IMMP2L: variants seen among roughly 807,000 people sequenced by gnomAD.
IMMP2L encodes mitochondrial inner membrane protease subunit 2.
IMMP2L carries 18 observed loss-of-function variants against 19.3 expected under a neutral mutation model. The ratio of observed to expected loss-of-function variants is 0.93; its 90% confidence interval spans 0.64 to 1.38. The LOEUF is 1.38. IMMP2L is among the 40% of genes most tolerant of loss of function. The pLI is 0.00. For synonymous variants in IMMP2L, 76 were observed against 73.0 expected (o/e 1.04, Z -0.21); for missense variants, 233 against 218.2 (o/e 1.07, Z -0.43).
intron 3 of IMMP2L, among the ~76,000 whole-genome samples, chr7:110,979,624 A>T (rs909135102): frequency 2.0e-5 from 3 of 152,092 alleles, no homozygotes; most frequent in African/African-American, 7.2e-5. Flanking sequence ...CGTTGTGCAC[A>T]TGTACCCTAG....
chr7:110,717,620 A>C, intron 5 of IMMP2L, among the ~76,000 whole-genome samples: 1 of 152,354 alleles, frequency 6.6e-6, no homozygotes, highest in East Asian at 1.9e-4. Context: ...TGAACAAACA[A>C]ACCAAGATAG....
chr7:111,079,974 T>G (rs1035686876), intron 3 of IMMP2L, among the ~76,000 whole-genome samples: 1 of 152,110 alleles, frequency 6.6e-6, no homozygotes. Context: ...AGGTCCTTAT[T>G]AGATGCAGCC....
chr7:111,500,959 C>G (rs1434631893), intron 2 of IMMP2L, among the ~76,000 whole-genome samples: 1 of 152,144 alleles, frequency 6.6e-6, no homozygotes, highest in African/African-American at 2.4e-5. Context: ...AGCAACGGAA[C>G]AAAGCTGGAC....
chr7:111,453,409 A>G (rs761519383), intron 3 of IMMP2L, among the ~76,000 whole-genome samples: 9 of 152,172 alleles, frequency 5.9e-5, no homozygotes, highest in Non-Finnish European at 1.3e-4. Context: ...ACGGCCCTTC[A>G]AAAACCTTCA....
At chr7:111,518,599 A>G (rs1846071638) in intron 2 of IMMP2L, among the ~76,000 whole-genome samples, 1 of 152,082 alleles carries the variant, frequency 6.6e-6, no homozygotes, top group Non-Finnish European at 1.5e-5. Flanking sequence ...ATTCTGTTGA[A>G]CCCCATGACA....
intron 3 of IMMP2L, among the ~76,000 whole-genome samples, chr7:111,235,303 C>G (rs1360947441): frequency 6.6e-6 from 1 of 151,948 alleles, no homozygotes; most frequent in African/African-American, 2.4e-5. Context: ...GAAACCCAGT[C>G]TCTACTAAAA....
rs4601242 is a variant in IMMP2L, at chr7:111,123,242, C to T, written c.240-159677G>A. The T allele has an allele frequency of 6.2e-7, 1 of 1,613,832 alleles. No individual in the cohort carries two copies. The highest frequency in any genetic ancestry group is 1.1e-5 in the South Asian group (1 of 91,072). Reference sequence around the variant, plus strand: ...CACAACTTGCTTTCTACAATTTCACCTGGAGCCTTTATTGGCCTACATAAT... The same window carrying T: ...CACAACTTGCTTTCTACAATTTCACTTGGAGCCTTTATTGGCCTACATAAT... On this transcript the variant is annotated intron_variant, in intron 3 of 5. Coordinates refer to ENST00000405709, the MANE Select transcript of IMMP2L (RefSeq NM_032549.4). The surrounding 1 kb of genome is among the most constrained non-coding windows in gnomAD (Gnocchi z 6.4).
At chr7:111,039,146 T>G (rs2129570549) in intron 3 of IMMP2L, among the ~76,000 whole-genome samples, 1 of 152,298 alleles carries the variant, frequency 6.6e-6, no homozygotes, top group Non-Finnish European at 1.5e-5. Flanking sequence ...CTTTCATCAT[T>G]TTTCACATAT....
chr7:111,447,331 G>A (rs931758571), intron 3 of IMMP2L, among the ~76,000 whole-genome samples: 2 of 134,972 alleles, frequency 1.5e-5, no homozygotes, highest in African/African-American at 3.0e-5. Flanking sequence ...CCCTCAAAGG[G>A]AAGCCCATCA....
At chr7:111,058,514 CAATT>C (rs1281148988) in intron 3 of IMMP2L, among the ~76,000 whole-genome samples, 39 of 152,252 alleles carry the variant, frequency 2.6e-4, no homozygotes, top group African/African-American at 9.4e-4. Context: ...ACAAATAACA[CAATT>C]AAAGAGAACA....
intron 3 of IMMP2L, among the ~76,000 whole-genome samples, chr7:111,094,094 C>T (rs1797149153): frequency 6.6e-6 from 1 of 152,048 alleles, no homozygotes; most frequent in Non-Finnish European, 1.5e-5. Context: ...TTTGTAACAT[C>T]TTTTGCTTTC....
intron 4 of IMMP2L, among the ~76,000 whole-genome samples, chr7:110,936,050 A>C (rs1339240622): frequency 1.3e-5 from 2 of 152,200 alleles, no homozygotes; most frequent in Non-Finnish European, 2.9e-5. Context: ...AAATTAACTC[A>C]AGATGGATTA....
At chr7:111,458,338 C>T (rs1839851514) in intron 3 of IMMP2L, among the ~76,000 whole-genome samples, 1 of 151,906 alleles carries the variant, frequency 6.6e-6, no homozygotes, top group Non-Finnish European at 1.5e-5. Flanking sequence ...AAGATCATGC[C>T]ACTGCACTCC....
chr7:111,307,874 C>A (rs1434564284), intron 3 of IMMP2L, among the ~76,000 whole-genome samples: 1 of 151,570 alleles, frequency 6.6e-6, no homozygotes, highest in Admixed American at 6.6e-5. Context: ...AAAATAAGTT[C>A]CATAAATACA....
chr7:110,948,531 G>A (rs1162816788), intron 4 of IMMP2L, among the ~76,000 whole-genome samples: 2 of 152,090 alleles, frequency 1.3e-5, no homozygotes, highest in Non-Finnish European at 2.9e-5. Context: ...AAATAACATG[G>A]AATAGTATTC....
At chr7:111,070,451 A>G (rs1335413365) in intron 3 of IMMP2L, among the ~76,000 whole-genome samples, 1 of 148,328 alleles carries the variant, frequency 6.7e-6, no homozygotes, top group African/African-American at 2.6e-5. Flanking sequence ...GCTAGAAAAA[A>G]CTTATTTTTT....
intron 3 of IMMP2L, among the ~76,000 whole-genome samples, chr7:111,283,510 G>A (rs1013019641): frequency 9.9e-5 from 15 of 152,166 alleles, no homozygotes; most frequent in African/African-American, 2.9e-4. Context: ...AATCTGAAAT[G>A]ATGAGCAGTT....
intron 3 of IMMP2L, among the ~76,000 whole-genome samples, chr7:111,208,954 C>T (rs966775342): frequency 1.3e-5 from 2 of 152,138 alleles, no homozygotes; most frequent in Non-Finnish European, 2.9e-5. Context: ...TGTACACATG[C>T]TGTAAACGTT....
chr7:111,547,515 C>G (rs531284772), intron 1 of IMMP2L, among the ~76,000 whole-genome samples: 161 of 147,968 alleles, frequency 1.1e-3, no homozygotes, highest in African/African-American at 2.8e-3. Flanking sequence ...ACCCCCCCCC[C>G]CTTTTTATCC....
Sources: gnomAD v4.1 joint callset for allele counts (sites outside exome capture counted in the v4.1 genomes callset) on GRCh38, gnomAD v4.1.1 for gene constraint, Gnocchi (gnomAD v3.1) non-coding constraint, MANE v1.5 for transcripts, NCBI Gene and HGNC (gene_info 2026-07-23, HGNC 2026-07-21) for gene names.